CDH8: variants seen among roughly 807,000 people sequenced by gnomAD.
The protein encoded by CDH8 is cadherin-8.
In CDH8, 17 loss-of-function variants were observed where a neutral mutation model predicts 68.1. The ratio of observed to expected loss-of-function variants is 0.25; its 90% CI spans 0.17 to 0.37. The LOEUF is 0.37. Ranked by LOEUF, CDH8 falls within the 10% of genes least tolerant of loss-of-function variation. The pLI is 1.00. For synonymous variants in CDH8, 372 were observed against 365.1 expected (o/e 1.02, Z -0.21); for missense variants, 763 against 999.3 (o/e 0.76, Z 3.19).
intron 5 of CDH8, among the ~76,000 whole-genome samples, chr16:61,821,570 T>C (rs78928668): frequency 9.2e-4 from 140 of 152,194 alleles, no homozygotes; most frequent in African/African-American, 3.2e-3. Flanking sequence ...CTTACCTTTA[T>C]ATTTACAGAC....
chr16:61,880,245 G>A lies in CDH8; in HGVS notation c.547+20934C>T, dbSNP rs145168489. 1.3e-3 allele frequency among the ~76,000 whole-genome samples: 205 copies of A among 152,186 alleles called. 1 individual carries two copies. Among genetic ancestry groups the A allele is most frequent in the African/African-American group, 3.7e-3 (152 of 41,528 alleles). On this transcript the variant is annotated intron_variant, in intron 3 of 11. Transcript: ENST00000577390. ...GGCCATATAATATGAAGTTTTAACC[G>A]ACCTGGAGTAAGCAATGATAATCTG...
At chr16:61,986,803 G>A (rs1372928385) in intron 2 of CDH8, among the ~76,000 whole-genome samples, 1 of 152,124 alleles carries the variant, frequency 6.6e-6, no homozygotes, top group South Asian at 2.1e-4. Context: ...CCTTTTGCCT[G>A]GGGAGACCAT....
At chr16:61,772,548 A>G (rs539924259) in intron 8 of CDH8, among the ~76,000 whole-genome samples, 1 of 152,208 alleles carries the variant, frequency 6.6e-6, no homozygotes, top group South Asian at 2.1e-4. Flanking sequence ...AGCACACAGT[A>G]AGCTGCGACA....
At chr16:61,846,802 G>T (rs1175178475) in intron 4 of CDH8, among the ~76,000 whole-genome samples, 1 of 152,044 alleles carries the variant, frequency 6.6e-6, no homozygotes, top group African/African-American at 2.4e-5. Context: ...AAATAAAACA[G>T]ACTGGGATAC....
intron 8 of CDH8, chr16:61,743,451 G>A (rs1184642571): frequency 1.9e-5 from 3 of 154,218 alleles, no homozygotes; most frequent in South Asian, 2.1e-4. Context: ...GGTGACAGGC[G>A]TCACAGCCTG....
intron 9 of CDH8, 115 bp from the exon 10 acceptor site, chr16:61,714,073 T>C (rs996095571): frequency 1.4e-6 from 1 of 732,234 alleles, no homozygotes; most frequent in Non-Finnish European, 2.4e-6. Context: ...AGACTCTTTT[T>C]CAGCTTTCTA....
At chr16:61,731,777 AG>A (rs1959544415) in intron 8 of CDH8, among the ~76,000 whole-genome samples, 1 of 151,864 alleles carries the variant, frequency 6.6e-6, no homozygotes, top group African/African-American at 2.4e-5. Context: ...ATCAGGCAAA[AG>A]AAATCATATG....
chr16:61,725,145 A>G (rs1959312613), intron 9 of CDH8: 1 of 150,984 alleles, frequency 6.6e-6, no homozygotes, highest in South Asian at 2.1e-4. Context: ...CAACATAACC[A>G]TTTCTTCAGA....
chr16:61,662,077 T>C (rs1287223039), intron 10 of CDH8, among the ~76,000 whole-genome samples: 2 of 144,440 alleles, frequency 1.4e-5, no homozygotes, highest in African/African-American at 5.2e-5. Flanking sequence ...TTTACTTTAG[T>C]TTTACTTTAG....
intron 3 of CDH8, 32 bp from the exon 4 acceptor site, chr16:61,857,270 A>C: frequency 3.8e-6 from 6 of 1,584,348 alleles, no homozygotes; most frequent in Non-Finnish European, 4.3e-6. Flanking sequence ...AAAGATAATA[A>C]TTAACACATT....
chr16:61,647,778 C>T lies in CDH8; in HGVS notation c.*5830G>A, dbSNP rs1309426012. On this transcript the variant is annotated 3_prime_UTR_variant, in exon 12 of 12. Coordinates refer to ENST00000577390, the MANE Select transcript of CDH8 (RefSeq NM_001796.5). ...TTAACATTTGGCTTTGGTGACCTCTCATTTCCTTTTCTGGTCCTGACCTCT... is the reference window on the plus strand; with the variant it reads ...TTAACATTTGGCTTTGGTGACCTCTTATTTCCTTTTCTGGTCCTGACCTCT... 3 of 699,022 alleles carry T rather than the reference C, an allele frequency of 4.3e-6. No homozygotes were observed. Among genetic ancestry groups the T allele is most frequent in the African/African-American group, 1.8e-5 (1 of 57,042 alleles). The allele number at this position is 699,022 out of a possible 1,614,324, so 43.3% of individuals were successfully genotyped here.
At chr16:61,975,836 G>A (rs979295889) in intron 2 of CDH8, among the ~76,000 whole-genome samples, 4 of 152,078 alleles carry the variant, frequency 2.6e-5, no homozygotes, top group Admixed American at 2.6e-4. Context: ...CTTGTAAGTG[G>A]AAGGACAAAA....
At chr16:61,721,206 T>C (rs1288124722) in intron 9 of CDH8, among the ~76,000 whole-genome samples, 1 of 150,924 alleles carries the variant, frequency 6.6e-6, no homozygotes, top group Non-Finnish European at 1.5e-5. Context: ...TTTTGCTACA[T>C]GTGGTTTCTT....
chr16:61,870,508 C>T (rs1963336546), intron 3 of CDH8, among the ~76,000 whole-genome samples: 1 of 152,122 alleles, frequency 6.6e-6, no homozygotes, highest in African/African-American at 2.4e-5. Context: ...CTTTCCAGAA[C>T]TCCCAAGAAA....
At chr16:61,911,627 C>A (rs1049573136) in intron 2 of CDH8, among the ~76,000 whole-genome samples, 5 of 147,142 alleles carry the variant, frequency 3.4e-5, no homozygotes, top group African/African-American at 9.8e-5. Flanking sequence ...CCCTAAACCC[C>A]CCCCCACCAC....
rs1361373681 is a variant in CDH8, at chr16:61,734,430, T to C, written c.1415-7215A>G. Among the ~76,000 whole-genome samples, 14 of 152,254 alleles carry C rather than the reference T, an allele frequency of 9.2e-5. 1 individual carries two copies. The highest frequency in any genetic ancestry group is 3.4e-4 in the African/African-American group (14 of 41,564). ...GTGATAGATCTGCTTTTGCCTTTTA[T>C]GTTCACCTCCTACTCCCTTTCTAGG... On this transcript the variant is annotated intron_variant, in intron 8 of 11. Transcript: ENST00000577390.
At chr16:61,969,472 C>T (rs1008473631) in intron 2 of CDH8, among the ~76,000 whole-genome samples, 3 of 152,190 alleles carry the variant, frequency 2.0e-5, no homozygotes, top group South Asian at 4.1e-4. Flanking sequence ...ATGGGCTTAT[C>T]TATGGAATGT....
chr16:61,890,611 A>G (rs1373743717), intron 3 of CDH8, among the ~76,000 whole-genome samples: 9 of 152,266 alleles, frequency 5.9e-5, no homozygotes, highest in African/African-American at 1.9e-4. Flanking sequence ...AGATTGTTAA[A>G]TTTTGTTCCA....
chr16:61,697,418 G>C (rs1964347635), intron 10 of CDH8, among the ~76,000 whole-genome samples: 1 of 151,798 alleles, frequency 6.6e-6, no homozygotes, highest in Non-Finnish European at 1.5e-5. Context: ...GAATTGATTT[G>C]GAACCTGGGA....
Sources: gnomAD v4.1 joint callset for allele counts (sites outside exome capture counted in the v4.1 genomes callset) on GRCh38, gnomAD v4.1.1 for gene constraint, MANE v1.5 for transcripts, NCBI Gene and HGNC (gene_info 2026-07-23, HGNC 2026-07-21) for gene names.